Variants in RXFP1 observed in about 807,000 individuals in gnomAD.
RXFP1 encodes relaxin receptor 1.
Under a neutral mutation model 89.8 loss-of-function variants are expected in RXFP1, and 73 were observed. The observed-to-expected ratio is 0.81, with a 90% CI of 0.67 to 0.99. RXFP1 has a LOEUF of 0.99. Ranked by LOEUF, RXFP1 falls within the 50% of genes least tolerant of loss-of-function variation. The pLI is 0.00. For synonymous variants in RXFP1, 277 were observed against 305.5 expected, an observed-to-expected ratio of 0.91 and a Z score of 0.97; for missense variants, 793 against 895.5, an observed-to-expected ratio of 0.89 and a Z score of 1.46.
chr4:158,598,478 C>A (rs190906141), intron 3 of RXFP1, among the ~76,000 whole-genome samples: 1 of 152,260 alleles, frequency 6.6e-6, no homozygotes, highest in East Asian at 1.9e-4. Context: ...GAAAACGTTT[C>A]TCATTGCTCT....
At chr4:158,538,505 AT>A (rs960374661) in intron 1 of RXFP1, among the ~76,000 whole-genome samples, 16 of 152,152 alleles carry the variant, frequency 1.1e-4, no homozygotes, top group African/African-American at 2.9e-4. Context: ...AGCCAAAGGC[AT>A]TTTTTTTGTG....
chr4:158,646,502 G>A, intron 15 of RXFP1: 9 of 1,273,604 alleles, frequency 7.1e-6, no homozygotes, highest in Non-Finnish European at 9.0e-6. Flanking sequence ...TCTATGTGAT[G>A]GGTCTAGAAC....
intron 1 of RXFP1, among the ~76,000 whole-genome samples, chr4:158,539,049 A>T (rs1346615819): frequency 1.3e-5 from 2 of 152,204 alleles, no homozygotes; most frequent in Non-Finnish European, 2.9e-5. Context: ...GTCCTTCCTC[A>T]CTACTTAACC....
chr4:158,631,752 G>T lies in RXFP1; in HGVS notation c.900-1653G>T, dbSNP rs1039227696. Among the ~76,000 whole-genome samples, 7 of 152,134 alleles carry T rather than the reference G, an allele frequency of 4.6e-5. No individual in the cohort carries two copies. In the East Asian group the frequency reaches 1.3e-3, roughly 29 times the overall value. On this transcript the variant is annotated intron_variant, in intron 11 of 17. Coordinates refer to ENST00000307765, the MANE Select transcript of RXFP1 (RefSeq NM_021634.4). ...AGTTACTTTGGATAGAAAGTGGTAG[G>T]CAAGGAGACTGGAAACATAGTCAAT...
intron 9 of RXFP1, among the ~76,000 whole-genome samples, chr4:158,620,337 C>T (rs1020336137): frequency 6.6e-6 from 1 of 151,964 alleles, no homozygotes; most frequent in African/African-American, 2.4e-5. Flanking sequence ...AATTGTCTAA[C>T]AAATGTGTAA....
intron 13 of RXFP1, among the ~76,000 whole-genome samples, chr4:158,638,954 A>G (rs1769796200): frequency 6.6e-6 from 1 of 152,166 alleles, no homozygotes; most frequent in Admixed American, 6.6e-5. Context: ...CTATTGTAAT[A>G]TTGTACAAAA....
intron 5 of RXFP1, 93 bp downstream of exon 5, chr4:158,605,232 G>C (rs1418333271): frequency 1.6e-6 from 1 of 628,936 alleles, no homozygotes; most frequent in Admixed American, 2.5e-5. Flanking sequence ...ACACTATTCC[G>C]CTGCTTGTGT....
intron 9 of RXFP1, among the ~76,000 whole-genome samples, chr4:158,626,156 A>ATAGATAGT (rs1554019545): frequency 4.1e-5 from 6 of 144,704 alleles, no homozygotes; most frequent in African/African-American, 1.6e-4. Flanking sequence ...AGATAGATAG[A>ATAGATAGT]TAGATAGATA....
rs531448379 is a variant in RXFP1 at position 158,626,881 on chromosome 4, T to C, written c.817T>C (p.Leu273=). The C allele has an allele frequency of 5.5e-5, 83 of 1,506,282 alleles. No individual in the cohort carries two copies. The South Asian group carries it at 7.5e-4, about 14-fold the overall frequency. The allele number at this position is 1,506,282 out of a possible 1,614,324, so 93.3% of individuals were successfully genotyped here. A position where few individuals can be genotyped will look rare whatever the true frequency, so the allele number is the denominator to read the frequency against. ...RNLTFISCSN[L]TVLVMRKNKI... is the part of the protein sequence containing the mutation. ...TTTGACTTTTATTTCCTGCAGTAAT[T>C]TAACTGTTTTGTAAGTAATATGCTA... The change falls in exon 10 of 18, where the codon TTA becomes CTA. Residue 273 remains leucine (L), a synonymous_variant. Coordinates refer to ENST00000307765, the MANE Select transcript of RXFP1 (RefSeq NM_021634.4).
intron 1 of RXFP1, among the ~76,000 whole-genome samples, chr4:158,562,374 A>C (rs1752636842): frequency 6.6e-6 from 1 of 150,478 alleles, no homozygotes. Context: ...AATACAAAAA[A>C]TTAGCCGGGC....
intron 1 of RXFP1, among the ~76,000 whole-genome samples, chr4:158,544,841 C>A (rs531683469): frequency 1.3e-5 from 2 of 152,318 alleles, no homozygotes; most frequent in East Asian, 3.9e-4. Context: ...TTAATCCAAT[C>A]TATCATTGAT....
At chr4:158,526,083 G>A (rs989286667) in intron 1 of RXFP1, among the ~76,000 whole-genome samples, 4 of 152,184 alleles carry the variant, frequency 2.6e-5, no homozygotes, top group African/African-American at 9.7e-5. Flanking sequence ...CACCACCTAC[G>A]GTGAGGGCCT....
chr4:158,547,413 T>C (rs1417389474), intron 1 of RXFP1, among the ~76,000 whole-genome samples: 1 of 152,218 alleles, frequency 6.6e-6, no homozygotes, highest in Non-Finnish European at 1.5e-5. Context: ...CCTGGATTCA[T>C]TAAATTTTTG....
chr4:158,599,573 GAT>G lies in RXFP1; in HGVS notation c.392+145_392+146del. ...TCCTGGGTCAGGTATAATAATTACT[GAT>G]ATTTATTTTGCATTTATTAAATGCT... is the stretch of plus-strand genomic sequence containing the variant. On this transcript the variant is annotated intron_variant, in intron 4 of 17. Transcript: ENST00000307765. 4.6e-6 allele frequency: 3 copies of G among 650,014 alleles called. No individual in the cohort carries two copies. The South Asian group carries it at 8.2e-5, about 18-fold the overall frequency. 40.3% of individuals were successfully genotyped at this position (650,014 alleles called of 1,614,324 possible).
In RXFP1 at chr4:158,618,286, C is replaced by A. The variant is rs114913938; in HGVS notation, c.755+1081C>A. Reference sequence around the variant, plus strand: ...AATTGAACAATATTTACATAATTAGCAATTAAAATGTGTGCATTTAGACAG... The same window carrying A: ...AATTGAACAATATTTACATAATTAGAAATTAAAATGTGTGCATTTAGACAG... On this transcript the variant is annotated intron_variant, in intron 9 of 17. Coordinates refer to ENST00000307765, the MANE Select transcript of RXFP1 (RefSeq NM_021634.4). Among the ~76,000 whole-genome samples the A allele has an allele frequency of 8.1e-3, 1,233 of 152,036 alleles. 13 individuals carry two copies. Among genetic ancestry groups the A allele is most frequent in the African/African-American group, 0.027 (1,130 of 41,506 alleles).
intron 12 of RXFP1, 100 bp downstream of exon 12, chr4:158,633,576 G>A (rs1768534262): frequency 5.7e-6 from 4 of 699,884 alleles, no homozygotes; most frequent in Admixed American, 5.7e-5. Flanking sequence ...TAAGTGTGTA[G>A]TTGAGTAGCA....
Position 158,652,115 on chromosome 4 carries a change from A to G in RXFP1, c.*60A>G. 1 of 1,394,290 alleles carries G rather than the reference A, an allele frequency of 7.2e-7. No individual in the cohort carries two copies. The highest frequency in any genetic ancestry group is 1.4e-5 in the South Asian group (1 of 71,398). The allele number at this position is 1,394,290 out of a possible 1,614,324, so 86.4% of individuals were successfully genotyped here. ...TGTGGGGGTGCTTCATGAGGGATTT[A>G]CTGGTATGAAATGAATACCACAAAA... On this transcript the variant is annotated 3_prime_UTR_variant, in exon 18 of 18. Transcript: ENST00000307765.
At chr4:158,522,087 A>T in intron 1 of RXFP1, 62 bp downstream of exon 1, 1 of 921,446 alleles carries the variant, frequency 1.1e-6, no homozygotes, top group African/African-American at 1.6e-5. Flanking sequence ...CCACAAGCAC[A>T]AATGTTTACT....
chr4:158,626,779 T>G, intron 9 of RXFP1, 41 bp from the exon 10 acceptor site: 1 of 1,200,530 alleles, frequency 8.3e-7, no homozygotes, highest in Non-Finnish European at 1.2e-6. Flanking sequence ...TTTCTCTCCA[T>G]GATTAAGATT....
Sources: allele counts gnomAD v4.1 joint callset (sites outside exome capture counted in the v4.1 genomes callset), GRCh38; gene constraint gnomAD v4.1.1; transcripts MANE v1.5; gene names NCBI Gene and HGNC (gene_info 2026-07-23, HGNC 2026-07-21).